The following MYOZ2 variants were observed in gnomAD, a reference collection of about 807,000 sequenced individuals.
MYOZ2 encodes myozenin-2.
In MYOZ2, 19 loss-of-function variants were observed where a neutral mutation model predicts 25.4. The ratio of observed to expected loss-of-function variants is 0.75; its 90% CI spans 0.52 to 1.10. The LOEUF (loss-of-function observed/expected upper bound fraction) is 1.10. Ranked by LOEUF, MYOZ2 falls within the 50% of genes least tolerant of loss-of-function variation. The probability of loss-of-function intolerance (pLI) is 0.00; values close to 1 mark genes in which losing one functional copy is unlikely to be tolerated. For missense variants in MYOZ2, 270 were observed against 317.9 expected (o/e 0.85, Z 1.15); for synonymous variants, 92 against 106.9 (o/e 0.86, Z 0.86).
At chr4:119,172,425 A>C (rs1741965675) in intron 5 of MYOZ2, among the ~76,000 whole-genome samples, 1 of 152,212 alleles carries the variant, frequency 6.6e-6, no homozygotes, top group Non-Finnish European at 1.5e-5. Context: ...TGGAAGATGA[A>C]ATCAGAGTGA....
intron 5 of MYOZ2, among the ~76,000 whole-genome samples, chr4:119,169,241 A>G (rs1334412165): frequency 6.6e-6 from 1 of 152,248 alleles, no homozygotes; most frequent in East Asian, 1.9e-4. Context: ...GGACTACAAT[A>G]CAGTGTAAAC....
At chr4:119,185,059 C>G (rs1160515139) in intron 5 of MYOZ2, among the ~76,000 whole-genome samples, 2 of 152,066 alleles carry the variant, frequency 1.3e-5, no homozygotes, top group African/African-American at 4.8e-5. Context: ...GAGGAAACTG[C>G]CTCTCTTTTA....
At chr4:119,148,391 A>C (rs1014245817) in intron 2 of MYOZ2, among the ~76,000 whole-genome samples, 1 of 151,986 alleles carries the variant, frequency 6.6e-6, no homozygotes, top group African/African-American at 2.4e-5. Context: ...ATCTCTTGTC[A>C]ACTTTAGGAC....
chr4:119,181,257 T>C (rs1467815122), intron 5 of MYOZ2, among the ~76,000 whole-genome samples: 1 of 152,180 alleles, frequency 6.6e-6, no homozygotes, highest in East Asian at 1.9e-4. Context: ...CTTTGTCTAG[T>C]ACTTGGTAAC....
chr4:119,164,296 A>G lies in MYOZ2; in HGVS notation c.462A>G (p.Gln154=). 6.2e-7 allele frequency: 1 copy of G among 1,614,046 alleles called. No individual in the cohort carries two copies. The highest frequency in any genetic ancestry group is 8.5e-7 in the Non-Finnish European group (1 of 1,179,928). The stretch of plus-strand genomic sequence containing the variant: ...AGTACTATCAATCTCCCTGGGAACA[A>G]GCCATTAGCAATGATCCGGAGCTTT... ...VPKYYQSPWE[Q]AISNDPELLE... Residue 154 remains glutamine (Q), a synonymous_variant, in exon 5 of 6, where the codon CAA becomes CAG. Coordinates refer to ENST00000307128, the MANE Select transcript of MYOZ2 (RefSeq NM_016599.5).
chr4:119,150,503 G>C (rs750759304), intron 2 of MYOZ2, among the ~76,000 whole-genome samples: 11 of 151,734 alleles, frequency 7.2e-5, no homozygotes, highest in Non-Finnish European at 1.5e-4. Context: ...ACATAAAAAT[G>C]TGGGGAGCAA....
intron 2 of MYOZ2, among the ~76,000 whole-genome samples, chr4:119,141,395 T>G (rs1741155401): frequency 6.6e-6 from 1 of 152,206 alleles, no homozygotes; most frequent in Non-Finnish European, 1.5e-5. Context: ...TTTCTTTCTT[T>G]TTTTTGAGAT....
At chr4:119,169,569 G>A (rs1341415769) in intron 5 of MYOZ2, among the ~76,000 whole-genome samples, 2 of 152,162 alleles carry the variant, frequency 1.3e-5, no homozygotes, top group African/African-American at 4.8e-5. Context: ...TGGAGATGAG[G>A]GAAATTTAGA....
At chr4:119,142,822 C>T (rs550220279) in intron 2 of MYOZ2, among the ~76,000 whole-genome samples, 1 of 152,126 alleles carries the variant, frequency 6.6e-6, no homozygotes, top group East Asian at 1.9e-4. Flanking sequence ...AAACTTCTTC[C>T]CCGCTGCTGT....
intron 5 of MYOZ2, among the ~76,000 whole-genome samples, chr4:119,181,644 T>C (rs987049408): frequency 6.6e-6 from 1 of 152,222 alleles, no homozygotes; most frequent in Non-Finnish European, 1.5e-5. Context: ...ATATATGTGA[T>C]GGAGGCATAT....
chr4:119,145,882 GA>G (rs781146442), intron 2 of MYOZ2, among the ~76,000 whole-genome samples: 4 of 152,068 alleles, frequency 2.6e-5, no homozygotes, highest in Admixed American at 1.3e-4. Context: ...ACTATAAATT[GA>G]ATTGCCTGAA....
intron 4 of MYOZ2, among the ~76,000 whole-genome samples, chr4:119,161,427 C>A (rs1198918440): frequency 6.6e-6 from 1 of 151,974 alleles, no homozygotes; most frequent in African/African-American, 2.4e-5. Context: ...AAAAAGCCAA[C>A]TTTTTTCATA....
At chr4:119,155,812 A>G (rs7668809) in intron 3 of MYOZ2, among the ~76,000 whole-genome samples, 145,655 of 152,298 alleles carry the variant, frequency 0.96, 69,684 homozygotes, top group East Asian at 0.99. Context: ...TGAACAGAAG[A>G]TAGATGATGA....
At chr4:119,145,338 GTT>G (rs60344545) in intron 2 of MYOZ2, among the ~76,000 whole-genome samples, 39 of 100,608 alleles carry the variant, frequency 3.9e-4, no homozygotes, top group African/African-American at 1.6e-3. Flanking sequence ...TGCGTGTGTG[GTT>G]TTTTTTTTTT....
At chr4:119,173,734 T>C (rs938252886) in intron 5 of MYOZ2, among the ~76,000 whole-genome samples, 1 of 152,196 alleles carries the variant, frequency 6.6e-6, no homozygotes, top group Non-Finnish European at 1.5e-5. Flanking sequence ...CTTTCTGGGC[T>C]GGACAAGGCC....
intron 4 of MYOZ2, among the ~76,000 whole-genome samples, chr4:119,158,930 T>G: frequency 6.6e-6 from 1 of 152,156 alleles, no homozygotes; most frequent in East Asian, 1.9e-4. Flanking sequence ...GTAACCTAAT[T>G]GTACATTTTA....
chr4:119,141,984 G>A (rs1422181202), intron 2 of MYOZ2, among the ~76,000 whole-genome samples: 1 of 152,076 alleles, frequency 6.6e-6, no homozygotes. Context: ...ACTATTAGAA[G>A]GGAAGGGAAG....
At position 119,186,260 on chromosome 4, in the gene MYOZ2, T is replaced by A; in HGVS notation, c.*60T>A. ...TATAAAAGTTGCTGTTCTACTATTT[T>A]AACTACTGGCAAAGCCACTTGCATT... On this transcript the variant is annotated 3_prime_UTR_variant, in exon 6 of 6. Coordinates refer to ENST00000307128, the MANE Select transcript of MYOZ2 (RefSeq NM_016599.5). 1 of 1,402,520 alleles carries A rather than the reference T, an allele frequency of 7.1e-7. No individual in the cohort carries two copies. The highest frequency in any genetic ancestry group is 1.0e-6 in the Non-Finnish European group (1 of 999,698). The allele number at this position is 1,402,520 out of a possible 1,614,324, so 86.9% of individuals were successfully genotyped here.
chr4:119,138,412 A>G (rs771880831), intron 2 of MYOZ2, among the ~76,000 whole-genome samples: 8 of 152,170 alleles, frequency 5.3e-5, no homozygotes, highest in African/African-American at 1.7e-4. Context: ...TTTTATATGG[A>G]ACTTTACTAT....
Sources: allele counts gnomAD v4.1 joint callset (sites outside exome capture counted in the v4.1 genomes callset), GRCh38; gene constraint gnomAD v4.1.1; transcripts MANE v1.5; gene names NCBI Gene and HGNC (gene_info 2026-07-23, HGNC 2026-07-21).